NMT2: variants seen among roughly 807,000 people sequenced by gnomAD.
The protein encoded by NMT2 is N-myristoyltransferase 2, also known as glycylpeptide N-tetradecanoyltransferase 2.
Under a neutral mutation model 65.4 loss-of-function variants are expected in NMT2, and 35 were observed. The observed-to-expected ratio is 0.54, with a 90% CI of 0.41 to 0.71. The LOEUF (loss-of-function observed/expected upper bound fraction) is 0.71, where lower values mean the gene tolerates loss of function less well. NMT2 is among the 30% of genes least tolerant of loss of function. NMT2 has a pLI of 0.00. For synonymous variants in NMT2, 226 were observed against 231.8 expected, an observed-to-expected ratio of 0.98 and a Z score of 0.23; for missense variants, 489 against 611.3, an observed-to-expected ratio of 0.80 and a Z score of 2.11.
At chr10:15,163,975 G>T (rs963962004) in intron 1 of NMT2, among the ~76,000 whole-genome samples, 1 of 151,806 alleles carries the variant, frequency 6.6e-6, no homozygotes, top group African/African-American at 2.4e-5. Context: ...GTCAGGAGAT[G>T]GAGACCATCC....
chr10:15,112,141 A>G (rs1845538626), intron 10 of NMT2, among the ~76,000 whole-genome samples: 1 of 120,748 alleles, frequency 8.3e-6, no homozygotes, highest in South Asian at 2.8e-4. Flanking sequence ...ATGTATTAAT[A>G]TTTTCCTTAT....
Position 15,141,545 on chromosome 10 carries a change from C to T in NMT2, c.123G>A (p.Gly41=). 6.2e-7 allele frequency: 1 copy of T among 1,611,138 alleles called. No homozygotes were observed. Among genetic ancestry groups the T allele is most frequent in the South Asian group, 1.1e-5 (1 of 90,692 alleles). The change falls in exon 2 of 12, where the codon GGG becomes GGA. Residue 41 remains glycine, a synonymous_variant. Coordinates refer to ENST00000378165, the MANE Select transcript of NMT2 (RefSeq NM_004808.3). ...ETEHAKGSPG[G]YLGAKKKKKK... is the part of the protein sequence containing the mutation. Reference sequence around the variant, plus strand: ...TCTTTTTCTTTTTGGCTCCCAAATACCCTCCAGGACTTCTGCAGGAAATGC... The same window carrying T: ...TCTTTTTCTTTTTGGCTCCCAAATATCCTCCAGGACTTCTGCAGGAAATGC...
chr10:15,165,841 G>A (rs551442120), intron 1 of NMT2, among the ~76,000 whole-genome samples: 11 of 142,258 alleles, frequency 7.7e-5, no homozygotes, highest in East Asian at 4.1e-4. Context: ...TTGCACCACC[G>A]CACTCCAGCC....
intron 7 of NMT2, among the ~76,000 whole-genome samples, chr10:15,129,015 C>A (rs570481624): frequency 5.1e-4 from 77 of 152,096 alleles, no homozygotes; most frequent in South Asian, 3.9e-3. Flanking sequence ...CACACACACA[C>A]AAAAAAGAAA....
rs760278303 is a variant in NMT2 at position 15,112,922 on chromosome 10, C to T, written c.1212G>A (p.Thr404=). Residue 404 remains threonine, a synonymous_variant, in exon 10 of 12, where the codon ACG becomes ACA. Transcript: ENST00000378165. ...GKLTDFLSFY[T]LPSTVMHHPA... Reference sequence around the variant, plus strand: ...GGTGGTGCATCACCGTGGAGGGGAGCGTATAGAAGCTCAGGAAATCAGTCA... The same window carrying T: ...GGTGGTGCATCACCGTGGAGGGGAGTGTATAGAAGCTCAGGAAATCAGTCA... 8.1e-6 allele frequency: 13 copies of T among 1,613,830 alleles called. No homozygotes were observed. The highest frequency in any genetic ancestry group is 4.5e-5 in the East Asian group (2 of 44,864).
chr10:15,112,216 ATTTTTTTTTTTTTTTTTTTTT>A (rs869310724), intron 10 of NMT2, among the ~76,000 whole-genome samples: 1 of 12,256 alleles, frequency 8.2e-5, no homozygotes, highest in Non-Finnish European at 1.4e-4. Context: ...ATATATATAT[ATTTTTTTTTTTTTTTTTTTTT>A]TTTTTTTTTT....
At position 15,109,349 on chromosome 10, in the gene NMT2, C is replaced by A. The variant is rs58665719; in HGVS notation, c.1477-134G>T. On this transcript the variant is annotated intron_variant, in intron 11 of 11. Transcript: ENST00000378165. ...CGGCACTTTGGGAGGCCAAGGCAGG[C>A]GGATCACCTGAGGTCAGGAGTTTGA... The A allele has an allele frequency of 9.0e-3, 9,458 of 1,050,730 alleles. 619 individuals are homozygous for A. The African/African-American group carries it at 0.14, about 15-fold the overall frequency. 65.1% of individuals were successfully genotyped at this position (1,050,730 alleles called of 1,614,324 possible). A position where few individuals can be genotyped will look rare whatever the true frequency, so the allele number is the denominator to read the frequency against.
intron 1 of NMT2, chr10:15,155,100 C>A: frequency 7.0e-7 from 1 of 1,436,944 alleles, no homozygotes; most frequent in Non-Finnish European, 9.8e-7. Context: ...GACAGACTTG[C>A]CACCAGTGCC....
At chr10:15,158,162 A>G (rs901982958) in intron 1 of NMT2, among the ~76,000 whole-genome samples, 4 of 152,104 alleles carry the variant, frequency 2.6e-5, no homozygotes, top group Non-Finnish European at 5.9e-5. Context: ...CTAAAAATAC[A>G]AAAATTAGCC....
At position 15,141,420 on chromosome 10, in the gene NMT2, A is replaced by C; in HGVS notation, c.246+2T>G. The C allele has an allele frequency of 3.1e-6, 5 of 1,613,848 alleles. No homozygotes were observed. The highest frequency in any genetic ancestry group is 4.2e-6 in the Non-Finnish European group (5 of 1,179,958). On this transcript the variant is annotated splice_donor_variant, in intron 2 of 11. Transcript: ENST00000378165. LOFTEE classifies it high-confidence loss of function. ...GAGGAAAAAATAAAACAGAGCTCTC[A>C]CTTTCGAAGGCTGCTGAATTTTAAT... is the stretch of plus-strand genomic sequence containing the variant.
At position 15,108,272 on chromosome 10, in the gene NMT2, C is replaced by T. The variant is rs967574748; in HGVS notation, c.*923G>A. On this transcript the variant is annotated 3_prime_UTR_variant, in exon 12 of 12. Transcript: ENST00000378165. ...GCTCGATCTCGGCTCACTGCAACCTCACCTCTCAGGTTCAAGCGATTCTCC... is the reference window on the plus strand; with the variant it reads ...GCTCGATCTCGGCTCACTGCAACCTTACCTCTCAGGTTCAAGCGATTCTCC... 6 of 788,242 alleles carry T rather than the reference C, an allele frequency of 7.6e-6. No individual in the cohort carries two copies. Among genetic ancestry groups the T allele is most frequent in the Non-Finnish European group, 7.7e-6 (5 of 650,828 alleles). 48.8% of individuals were successfully genotyped at this position (788,242 alleles called of 1,614,324 possible).
chr10:15,108,879 A>T lies in NMT2; in HGVS notation c.*316T>A. On this transcript the variant is annotated 3_prime_UTR_variant, in exon 12 of 12. Coordinates refer to ENST00000378165, the MANE Select transcript of NMT2 (RefSeq NM_004808.3). ...ACTCTGTAACTTCTACTTAGTCCATAGAAAAACAGTCCCTTTTCTAAGGGT... is the reference window on the plus strand; with the variant it reads ...ACTCTGTAACTTCTACTTAGTCCATTGAAAAACAGTCCCTTTTCTAAGGGT... The T allele has an allele frequency of 8.9e-7, 1 of 1,123,228 alleles. No individual in the cohort carries two copies. Among genetic ancestry groups the T allele is most frequent in the Non-Finnish European group, 1.1e-6 (1 of 918,912 alleles). 69.6% of individuals were successfully genotyped at this position (1,123,228 alleles called of 1,614,324 possible). A position where few individuals can be genotyped will look rare whatever the true frequency, so the allele number is the denominator to read the frequency against.
chr10:15,146,959 G>A (rs1466773622), intron 1 of NMT2, among the ~76,000 whole-genome samples: 1 of 151,948 alleles, frequency 6.6e-6, no homozygotes, highest in Non-Finnish European at 1.5e-5. Context: ...CAGATGTGGT[G>A]ACATGTGCCT....
chr10:15,144,815 G>A (rs1360702784), intron 1 of NMT2, among the ~76,000 whole-genome samples: 1 of 152,066 alleles, frequency 6.6e-6, no homozygotes, highest in Non-Finnish European at 1.5e-5. Context: ...TGTAAAATGG[G>A]GCAGCGGCTT....
chr10:15,163,868 C>T (rs959159663), intron 1 of NMT2, among the ~76,000 whole-genome samples: 3 of 152,112 alleles, frequency 2.0e-5, no homozygotes, highest in African/African-American at 7.2e-5. Flanking sequence ...TTCAATCTTT[C>T]TAAGAAAAAG....
At chr10:15,142,951 T>G (rs1846827740) in intron 1 of NMT2, among the ~76,000 whole-genome samples, 1 of 152,222 alleles carries the variant, frequency 6.6e-6, no homozygotes, top group African/African-American at 2.4e-5. Flanking sequence ...TGGCACCCTG[T>G]GAATTGGTGA....
chr10:15,135,218 T>G, intron 3 of NMT2, 56 bp downstream of exon 3: 1 of 1,484,092 alleles, frequency 6.7e-7, no homozygotes, highest in Non-Finnish European at 9.4e-7. Context: ...TTGTTGTTGT[T>G]GTTGTTCATC....
chr10:15,113,486 A>AAAAAAAAAAAAAAAG (rs1564558939), intron 9 of NMT2, among the ~76,000 whole-genome samples: 2 of 148,822 alleles, frequency 1.3e-5, no homozygotes, highest in African/African-American at 5.0e-5. Context: ...AAAAAAAAAA[A>AAAAAAAAAAAAAAAG]AAAGAAAGAA....
intron 1 of NMT2, among the ~76,000 whole-genome samples, chr10:15,142,926 C>T (rs891386668): frequency 3.9e-5 from 6 of 152,128 alleles, no homozygotes; most frequent in African/African-American, 9.7e-5. Flanking sequence ...TTTCCTCTCC[C>T]GGTGTTCCTA....
Sources: allele counts gnomAD v4.1 joint callset (sites outside exome capture counted in the v4.1 genomes callset), GRCh38; gene constraint gnomAD v4.1.1; transcripts MANE v1.5; gene names NCBI Gene and HGNC (gene_info 2026-07-23, HGNC 2026-07-21).